Variants in LPP observed in about 807,000 individuals in gnomAD.
LPP encodes lipoma-preferred partner.
A neutral mutation model predicts 60.4 loss-of-function variants in LPP; 38 were observed. The ratio of observed to expected loss-of-function variants is 0.63; its 90% confidence interval spans 0.49 to 0.83. LPP has a LOEUF of 0.83. Among genes scored for constraint, LPP ranks in the 40% least tolerant of loss-of-function variants. The pLI is 0.00. For synonymous variants in LPP, 328 were observed against 290.8 expected (o/e 1.13, Z -1.30); for missense variants, 902 against 783.6 (o/e 1.15, Z -1.80).
At chr3:188,309,885 C>G (rs1458647558) in intron 2 of LPP, among the ~76,000 whole-genome samples, 1 of 152,070 alleles carries the variant, frequency 6.6e-6, no homozygotes, top group East Asian at 1.9e-4. Flanking sequence ...ACATGGAGTT[C>G]TGATCTGAGT....
intron 7 of LPP, among the ~76,000 whole-genome samples, chr3:188,690,010 C>G (rs763006570): frequency 6.6e-6 from 1 of 151,934 alleles, no homozygotes; most frequent in Non-Finnish European, 1.5e-5. Context: ...ATCACTGCAT[C>G]TGTTTCCCTG....
intron 4 of LPP, among the ~76,000 whole-genome samples, chr3:188,461,845 C>A (rs1426038625): frequency 6.6e-6 from 1 of 152,072 alleles, no homozygotes; most frequent in African/African-American, 2.4e-5. Flanking sequence ...CAGTTTTTAT[C>A]TGTTAAAATC....
chr3:188,840,623 C>G (rs1009110308), intron 9 of LPP, among the ~76,000 whole-genome samples: 4 of 152,148 alleles, frequency 2.6e-5, no homozygotes, highest in Non-Finnish European at 5.9e-5. Flanking sequence ...CTCAGCCTCT[C>G]AAGTAACTAG....
intron 9 of LPP, among the ~76,000 whole-genome samples, chr3:188,777,176 A>G (rs1468806582): frequency 6.6e-6 from 1 of 152,208 alleles, no homozygotes; most frequent in Non-Finnish European, 1.5e-5. Flanking sequence ...CAATCCTACA[A>G]GGCAAGTGTT....
At chr3:188,563,726 T>TTG (rs1553929695) in intron 6 of LPP, among the ~76,000 whole-genome samples, 9 of 104,814 alleles carry the variant, frequency 8.6e-5, no homozygotes, top group African/African-American at 2.9e-4. Flanking sequence ...GTGTTTTTTT[T>TTG]TGTTTTTTTT....
At chr3:188,837,836 T>G (rs557062112) in intron 9 of LPP, among the ~76,000 whole-genome samples, 1 of 152,148 alleles carries the variant, frequency 6.6e-6, no homozygotes, top group Admixed American at 6.5e-5. Context: ...AGAATGGTAA[T>G]GAAATGAGAC....
chr3:188,651,243 C>T (rs1852017803), intron 7 of LPP, among the ~76,000 whole-genome samples: 1 of 152,144 alleles, frequency 6.6e-6, no homozygotes, highest in South Asian at 2.1e-4. Context: ...CTTCCAGGAA[C>T]CCTTAGTCTG....
chr3:188,234,503 G>A (rs1181065346), intron 2 of LPP, among the ~76,000 whole-genome samples: 2 of 152,178 alleles, frequency 1.3e-5, no homozygotes, highest in Admixed American at 1.3e-4. Flanking sequence ...TGATTTAAAT[G>A]TCTCTTTTTG....
chr3:188,339,497 A>G (rs557615706), intron 2 of LPP, among the ~76,000 whole-genome samples: 190 of 152,324 alleles, frequency 1.2e-3, no homozygotes, highest in Non-Finnish European at 2.3e-3. Context: ...ACAGTTCCAC[A>G]TTGCTGGGGA....
At chr3:188,722,296 T>C (rs1159763105) in intron 8 of LPP, among the ~76,000 whole-genome samples, 2 of 152,208 alleles carry the variant, frequency 1.3e-5, no homozygotes, top group Non-Finnish European at 2.9e-5. Context: ...GTCATGGTAA[T>C]TGGCATACCG....
intron 9 of LPP, among the ~76,000 whole-genome samples, chr3:188,774,565 G>T (rs1387179984): frequency 6.6e-6 from 1 of 152,014 alleles, no homozygotes; most frequent in Non-Finnish European, 1.5e-5. Context: ...TTTAAAAAAT[G>T]AATGTATTAT....
intron 3 of LPP, among the ~76,000 whole-genome samples, chr3:188,357,857 T>C (rs912262288): frequency 6.6e-6 from 1 of 152,254 alleles, no homozygotes; most frequent in Admixed American, 6.5e-5. Flanking sequence ...AACCCCCTTC[T>C]GCCTCCTTTT....
At chr3:188,424,025 T>C (rs1158894409) in intron 4 of LPP, among the ~76,000 whole-genome samples, 1 of 152,232 alleles carries the variant, frequency 6.6e-6, no homozygotes, top group African/African-American at 2.4e-5. Flanking sequence ...CATAAAGTCT[T>C]TGTCCATTCC....
chr3:188,317,787 T>TG (rs1344963017), intron 2 of LPP, among the ~76,000 whole-genome samples: 3 of 56,726 alleles, frequency 5.3e-5, no homozygotes, highest in African/African-American at 4.5e-4. Flanking sequence ...TGTCTTGAAT[T>TG]GGGGGGAAAA....
chr3:188,312,058 C>A (rs2150282063), intron 2 of LPP, among the ~76,000 whole-genome samples: 1 of 152,236 alleles, frequency 6.6e-6, no homozygotes, highest in South Asian at 2.1e-4. Flanking sequence ...TATTTTATCT[C>A]TTTACTTCTC....
At chr3:188,251,077 CT>C (rs2149572871) in intron 2 of LPP, among the ~76,000 whole-genome samples, 1 of 135,486 alleles carries the variant, frequency 7.4e-6, no homozygotes, top group Non-Finnish European at 1.6e-5. Flanking sequence ...CTTTTTCTTT[CT>C]TTCTCTCTCT....
chr3:188,306,418 C>T (rs1196826727), intron 2 of LPP, among the ~76,000 whole-genome samples: 2 of 152,086 alleles, frequency 1.3e-5, no homozygotes, highest in South Asian at 4.1e-4. Flanking sequence ...AAGTACCTCA[C>T]AGAATTGTGG....
At chr3:188,781,296 TG>T (rs752555428) in intron 9 of LPP, among the ~76,000 whole-genome samples, 7 of 152,190 alleles carry the variant, frequency 4.6e-5, no homozygotes, top group Non-Finnish European at 8.8e-5. Flanking sequence ...GGAAAGAGAC[TG>T]GATGACCACT....
At chr3:188,348,081 G>C (rs1431148344) in intron 3 of LPP, among the ~76,000 whole-genome samples, 1 of 152,150 alleles carries the variant, frequency 6.6e-6, no homozygotes, top group East Asian at 1.9e-4. Flanking sequence ...CCTTGGATAA[G>C]TTACTTGATT....
Sources: gnomAD v4.1 joint callset for allele counts (sites outside exome capture counted in the v4.1 genomes callset) on GRCh38, gnomAD v4.1.1 for gene constraint, MANE v1.5 for transcripts, NCBI Gene and HGNC (gene_info 2026-07-23, HGNC 2026-07-21) for gene names.